The following NXPH1 variants were observed in gnomAD, a reference collection of about 807,000 sequenced individuals.
NXPH1 encodes the protein neurexophilin-1.
NXPH1 carries 5 observed loss-of-function variants against 23.7 expected under a neutral mutation model. The observed-to-expected ratio is 0.21, with a 90% CI of 0.11 to 0.44. The LOEUF (loss-of-function observed/expected upper bound fraction) is 0.44, where lower values mean the gene tolerates loss of function less well. NXPH1 is among the 20% of genes least tolerant of loss of function. The pLI, the probability that NXPH1 is intolerant of heterozygous loss-of-function variation, is 0.99. For synonymous variants in NXPH1, 144 were observed against 122.2 expected (o/e 1.18, Z -1.18); for missense variants, 324 against 321.6 (o/e 1.01, Z -0.06).
At chr7:8,616,327 C>T (rs550805259) in intron 2 of NXPH1, among the ~76,000 whole-genome samples, 3 of 152,170 alleles carry the variant, frequency 2.0e-5, no homozygotes, top group South Asian at 4.1e-4. Flanking sequence ...GTGAGCTCTT[C>T]CCTGATGACC....
At chr7:8,687,499 T>C (rs942677481) in intron 2 of NXPH1, among the ~76,000 whole-genome samples, 1 of 152,196 alleles carries the variant, frequency 6.6e-6, no homozygotes, top group African/African-American at 2.4e-5. Flanking sequence ...ACCTCATTTT[T>C]CTAATCATAG....
At chr7:8,520,505 G>A (rs1398216488) in intron 2 of NXPH1, among the ~76,000 whole-genome samples, 1 of 152,122 alleles carries the variant, frequency 6.6e-6, no homozygotes, top group African/African-American at 2.4e-5. Context: ...ATATAAGTCC[G>A]ACACGGTAGG....
At chr7:8,506,922 A>G (rs1363581541) in intron 2 of NXPH1, among the ~76,000 whole-genome samples, 1 of 152,064 alleles carries the variant, frequency 6.6e-6, no homozygotes, top group African/African-American at 2.4e-5. Context: ...TTTGGTTCCA[A>G]TCCCTGAAGG....
At chr7:8,695,424 T>C (rs1188031532) in intron 2 of NXPH1, among the ~76,000 whole-genome samples, 6 of 152,224 alleles carry the variant, frequency 3.9e-5, no homozygotes, top group African/African-American at 1.4e-4. Context: ...AGAGTTATTA[T>C]GTTTTTTTTC....
intron 2 of NXPH1, among the ~76,000 whole-genome samples, chr7:8,680,742 T>C (rs970708697): frequency 1.3e-5 from 2 of 152,234 alleles, no homozygotes; most frequent in East Asian, 1.9e-4. Context: ...GTAACAGTTA[T>C]TGATATAAAG....
At chr7:8,475,139 A>T (rs912879629) in intron 2 of NXPH1, among the ~76,000 whole-genome samples, 22 of 152,120 alleles carry the variant, frequency 1.4e-4, no homozygotes, top group African/African-American at 5.3e-4. Flanking sequence ...TCACCTCTAC[A>T]TTCCTAGATT....
intron 2 of NXPH1, among the ~76,000 whole-genome samples, chr7:8,668,187 G>C (rs1820808358): frequency 6.9e-6 from 1 of 144,540 alleles, no homozygotes; most frequent in African/African-American, 2.5e-5. Flanking sequence ...TAGACAGTTT[G>C]TTTCTCCATT....
At chr7:8,736,500 G>A (rs1167339939) in intron 2 of NXPH1, among the ~76,000 whole-genome samples, 7 of 152,172 alleles carry the variant, frequency 4.6e-5, no homozygotes, top group African/African-American at 1.7e-4. Context: ...GAGACTGTTT[G>A]TTATGATTTC....
chr7:8,514,933 A>G (rs952029530), intron 2 of NXPH1, among the ~76,000 whole-genome samples: 4 of 152,110 alleles, frequency 2.6e-5, no homozygotes, highest in Admixed American at 2.6e-4. Context: ...TTTAATTCAT[A>G]TGGCCCATAT....
intron 2 of NXPH1, among the ~76,000 whole-genome samples, chr7:8,491,786 C>T (rs1403669179): frequency 6.6e-6 from 1 of 152,064 alleles, no homozygotes; most frequent in Non-Finnish European, 1.5e-5. Flanking sequence ...CATTCATTTT[C>T]CAAGAAACAT....
intron 2 of NXPH1, among the ~76,000 whole-genome samples, chr7:8,629,771 A>C (rs1820083638): frequency 6.6e-6 from 1 of 152,170 alleles, no homozygotes; most frequent in African/African-American, 2.4e-5. Flanking sequence ...CAAATGAGTC[A>C]CTTTAAAGCC....
At chr7:8,436,219 G>C (rs1409514976) in intron 2 of NXPH1, among the ~76,000 whole-genome samples, 2 of 152,176 alleles carry the variant, frequency 1.3e-5, no homozygotes, top group Non-Finnish European at 2.9e-5. Flanking sequence ...CCCCGATTTG[G>C]AGATGAGACA....
At chr7:8,632,470 T>G (rs1256889533) in intron 2 of NXPH1, among the ~76,000 whole-genome samples, 3 of 152,170 alleles carry the variant, frequency 2.0e-5, no homozygotes, top group Non-Finnish European at 4.4e-5. Context: ...CGAGGGTTGC[T>G]TGGCAGTGGT....
intron 2 of NXPH1, among the ~76,000 whole-genome samples, chr7:8,525,478 G>A (rs915314869): frequency 2.6e-5 from 4 of 152,192 alleles, no homozygotes; most frequent in Non-Finnish European, 5.9e-5. Flanking sequence ...AAGTAGCAAG[G>A]AGCCTAATGT....
chr7:8,629,900 C>T (rs372083967), intron 2 of NXPH1, among the ~76,000 whole-genome samples: 1 of 152,052 alleles, frequency 6.6e-6, no homozygotes, highest in Admixed American at 6.6e-5. Flanking sequence ...GTCCTACAAC[C>T]TTTTGCCTCT....
intron 2 of NXPH1, among the ~76,000 whole-genome samples, chr7:8,714,584 A>C (rs1213990780): frequency 6.6e-6 from 1 of 151,968 alleles, no homozygotes; most frequent in Admixed American, 6.6e-5. Flanking sequence ...GTCTCGCCCA[A>C]TGCCCACAGT....
At chr7:8,605,199 G>A (rs1246687987) in intron 2 of NXPH1, among the ~76,000 whole-genome samples, 3 of 152,146 alleles carry the variant, frequency 2.0e-5, no homozygotes, top group Non-Finnish European at 2.9e-5. Context: ...TAAAAATGCA[G>A]TGTTATAGGG....
At chr7:8,690,770 C>T (rs1821209891) in intron 2 of NXPH1, among the ~76,000 whole-genome samples, 1 of 152,170 alleles carries the variant, frequency 6.6e-6, no homozygotes, top group Non-Finnish European at 1.5e-5. Context: ...TATCAGTGTT[C>T]CATTTTCATA....
At chr7:8,469,053 T>G (rs1816829574) in intron 2 of NXPH1, among the ~76,000 whole-genome samples, 1 of 152,012 alleles carries the variant, frequency 6.6e-6, no homozygotes, top group South Asian at 2.1e-4. Context: ...ATTTGAAGTT[T>G]ACATAAAAAG....
Sources: allele counts gnomAD v4.1 joint callset (sites outside exome capture counted in the v4.1 genomes callset), GRCh38; gene constraint gnomAD v4.1.1; transcripts MANE v1.5; gene names NCBI Gene and HGNC (gene_info 2026-07-23, HGNC 2026-07-21).